Variants in NR1H4 observed in about 807,000 individuals in gnomAD.
NR1H4 encodes the protein bile acid receptor.
A neutral mutation model predicts 58.5 loss-of-function variants in NR1H4; 23 were observed. The observed-to-expected ratio is 0.39, with a 90% CI of 0.28 to 0.56. The LOEUF is 0.56. Ranked by LOEUF, NR1H4 falls within the 20% of genes least tolerant of loss-of-function variation. The pLI, the probability that NR1H4 is intolerant of heterozygous loss-of-function variation, is 0.58. For synonymous variants in NR1H4, 214 were observed against 198.0 expected, an observed-to-expected ratio of 1.08 and a Z score of -0.68; for missense variants, 487 against 576.9, an observed-to-expected ratio of 0.84 and a Z score of 1.60.
At chr12:100,506,034 CACACACACAGAGAG>C (rs1176450009) in intron 3 of NR1H4, among the ~76,000 whole-genome samples, 1 of 140,436 alleles carries the variant, frequency 7.1e-6, no homozygotes, top group African/African-American at 3.2e-5. Context: ...CACACACACA[CACACACACAGAGAG>C]AGAGAGAGAA....
At chr12:100,524,677 G>A (rs780787719) in intron 4 of NR1H4, among the ~76,000 whole-genome samples, 15 of 152,218 alleles carry the variant, frequency 9.9e-5, no homozygotes, top group Admixed American at 7.2e-4. Context: ...GGTAAGAAGG[G>A]CATATCATTA....
chr12:100,504,673 T>C (rs1953916423), intron 3 of NR1H4, among the ~76,000 whole-genome samples: 3 of 152,204 alleles, frequency 2.0e-5, no homozygotes, highest in Admixed American at 6.5e-5. Flanking sequence ...ATGCAGGCAC[T>C]ACATTCTTTC....
At chr12:100,515,801 C>T (rs937023792) in intron 4 of NR1H4, among the ~76,000 whole-genome samples, 10 of 152,250 alleles carry the variant, frequency 6.6e-5, no homozygotes, top group Admixed American at 2.0e-4. Context: ...CTCAAATCAT[C>T]GTGAGTTGTT....
intron 9 of NR1H4, among the ~76,000 whole-genome samples, chr12:100,542,118 G>A (rs1443619984): frequency 6.6e-6 from 1 of 151,946 alleles, no homozygotes; most frequent in East Asian, 1.9e-4. Context: ...GGCAGAGGGG[G>A]GTGGATCACT....
chr12:100,507,118 G>T (rs180990767), intron 3 of NR1H4, among the ~76,000 whole-genome samples: 17 of 152,268 alleles, frequency 1.1e-4, no homozygotes, highest in Admixed American at 1.0e-3. Context: ...TTGATCTTGG[G>T]CAAATTACTT....
chr12:100,542,565 TGGGTTGGGAGTG>T (rs2136261132), intron 9 of NR1H4, among the ~76,000 whole-genome samples: 1 of 152,264 alleles, frequency 6.6e-6, no homozygotes, highest in African/African-American at 2.4e-5. Flanking sequence ...ATTTCATATA[TGGGTTGGGAGTG>T]GGGAATGAAT....
intron 1 of NR1H4, among the ~76,000 whole-genome samples, chr12:100,484,595 A>G (rs912696112): frequency 1.8e-4 from 27 of 152,188 alleles, no homozygotes; most frequent in African/African-American, 6.5e-4. Flanking sequence ...TAAACTTTGT[A>G]TCATGGGGCT....
chr12:100,542,060 T>C (rs1954949163), intron 9 of NR1H4, among the ~76,000 whole-genome samples: 1 of 152,188 alleles, frequency 6.6e-6, no homozygotes, highest in African/African-American at 2.4e-5. Context: ...AGAAGCTTTG[T>C]GTCAGCCCAA....
chr12:100,563,010 T>C (rs973637935), intron 10 of NR1H4, among the ~76,000 whole-genome samples: 8 of 152,170 alleles, frequency 5.3e-5, no homozygotes, highest in African/African-American at 1.7e-4. Flanking sequence ...CAGGTTATCT[T>C]TAGGGGTTTT....
intron 1 of NR1H4, among the ~76,000 whole-genome samples, chr12:100,475,019 T>C (rs181418703): frequency 1.1e-4 from 17 of 152,246 alleles, no homozygotes; most frequent in Admixed American, 1.0e-3. Flanking sequence ...GTATAGATTG[T>C]GGTGATGATT....
chr12:100,552,747 T>C (rs548704270), intron 9 of NR1H4, among the ~76,000 whole-genome samples: 168 of 152,144 alleles, frequency 1.1e-3, no homozygotes, highest in Non-Finnish European at 1.9e-3. Flanking sequence ...ACATAGCAAG[T>C]CCCTGTCTCT....
chr12:100,556,477 AAAAAC>A, intron 9 of NR1H4, among the ~76,000 whole-genome samples: 5 of 151,636 alleles, frequency 3.3e-5, no homozygotes, highest in African/African-American at 7.3e-5. Flanking sequence ...CAAAGAAAAA[AAAAAC>A]AAAAAACAAA....
At position 100,510,722 on chromosome 12, in the gene NR1H4, T is replaced by G. The variant is rs542736583; in HGVS notation, c.80-56T>G. On this transcript the variant is annotated intron_variant, in intron 3 of 10. Coordinates refer to ENST00000392986, the MANE Select transcript of NR1H4 (RefSeq NM_001206979.2). ...CTCCTAACCATTACGCCAAACTGCCTCTCTAATTTCCAGAATGATGACATT... is the reference window on the plus strand; with the variant it reads ...CTCCTAACCATTACGCCAAACTGCCGCTCTAATTTCCAGAATGATGACATT... The G allele has an allele frequency of 6.0e-4, 962 of 1,607,952 alleles. 16 individuals are homozygous for G. In the South Asian group the frequency reaches 1.0e-2, roughly 17 times the overall value.
rs566377581 is a variant in NR1H4 at position 100,552,105 on chromosome 12, A to T, written c.1079-9780A>T. Among the ~76,000 whole-genome samples, 4 of 152,272 alleles carry T rather than the reference A, an allele frequency of 2.6e-5. No individual in the cohort carries two copies. The South Asian group carries it at 6.2e-4, about 24-fold the overall frequency. ...CCATTAACCTGTTAATTGCCTGAGG[A>T]CTTCATATTCCCAGATTCCCAGCAC... On this transcript the variant is annotated intron_variant, in intron 9 of 10. Transcript: ENST00000392986.
intron 3 of NR1H4, chr12:100,505,469 C>A: frequency 1.6e-6 from 1 of 621,436 alleles, no homozygotes. Flanking sequence ...TTGGTAGGTA[C>A]AGAACCCTTC....
intron 3 of NR1H4, chr12:100,499,794 G>C: frequency 2.2e-6 from 1 of 454,246 alleles, no homozygotes. Flanking sequence ...TTTCTTGAGT[G>C]CTTTATAGAA....
chr12:100,517,099 C>CA (rs1566450232), intron 4 of NR1H4, among the ~76,000 whole-genome samples: 2 of 152,266 alleles, frequency 1.3e-5, no homozygotes, highest in African/African-American at 4.8e-5. Context: ...TAACTCTAGT[C>CA]ATGCTGCTAT....
At position 100,536,982 on chromosome 12, in the gene NR1H4, T is replaced by C; in HGVS notation, c.866T>C (p.Leu289Pro). The C allele has an allele frequency of 6.2e-7, 1 of 1,602,178 alleles. No homozygotes were observed. The highest frequency in any genetic ancestry group is 8.5e-7 in the Non-Finnish European group (1 of 1,175,490). ...KEEFSAEENFLILTEMATNHV... is the reference protein window; with the variant it reads ...KEEFSAEENFPILTEMATNHV... ...GAATTCAGTGCAGAAGAAAATTTTCTCATTTTGACGGAAATGGCAACCAAT... is the reference window on the plus strand; with the variant it reads ...GAATTCAGTGCAGAAGAAAATTTTCCCATTTTGACGGAAATGGCAACCAAT... The change falls in exon 8 of 11, where the codon CTC (leucine) becomes CCC (proline). Residue 289 changes from leucine (L) to proline (P), a missense_variant. Transcript: ENST00000392986.
intron 3 of NR1H4, among the ~76,000 whole-genome samples, chr12:100,495,750 A>C (rs185590711): frequency 1.1e-4 from 16 of 152,102 alleles, no homozygotes; most frequent in East Asian, 3.9e-4. Flanking sequence ...CAAAAAAAAA[A>C]CATACCTGAG....
Sources: gnomAD v4.1 joint callset for allele counts (sites outside exome capture counted in the v4.1 genomes callset) on GRCh38, gnomAD v4.1.1 for gene constraint, MANE v1.5 for transcripts, NCBI Gene and HGNC (gene_info 2026-07-23, HGNC 2026-07-21) for gene names.